The following GPLD1 variants were observed in gnomAD, a reference collection of about 807,000 sequenced individuals.
GPLD1 encodes phosphatidylinositol-glycan-specific phospholipase D.
In GPLD1, 84 loss-of-function variants were observed where a neutral mutation model predicts 112.6. The observed-to-expected ratio is 0.75, with a 90% CI of 0.63 to 0.89. GPLD1 has a LOEUF of 0.89. Among genes scored for constraint, GPLD1 ranks in the 40% least tolerant of loss-of-function variants. GPLD1 has a pLI of 0.00. For missense variants in GPLD1, 1,044 were observed against 1,051.5 expected (o/e 0.99, Z 0.10); for synonymous variants, 386 against 403.8 (o/e 0.96, Z 0.53).
At chr6:24,460,544 GT>G in intron 11 of GPLD1, 145 bp from the exon 12 acceptor site, 2 of 787,456 alleles carry the variant, frequency 2.5e-6, no homozygotes, top group Non-Finnish European at 4.1e-6. Context: ...AACACAGAAA[GT>G]TTTAGAAAAC....
Position 24,447,871 on chromosome 6 carries a change from C to A in GPLD1, c.1678+6G>T. Reference sequence around the variant, plus strand: ...ATGGTCTCACCCATTCCCCCTCAGGCACTACCTTTGTCGCTCAGGCTGGGG... The same window carrying A: ...ATGGTCTCACCCATTCCCCCTCAGGAACTACCTTTGTCGCTCAGGCTGGGG... On this transcript the variant is annotated splice_donor_region_variant and intron_variant, in intron 17 of 24. Transcript: ENST00000230036. 6.2e-7 allele frequency: 1 copy of A among 1,613,534 alleles called. No homozygotes were observed. The highest frequency in any genetic ancestry group is 8.5e-7 in the Non-Finnish European group (1 of 1,179,814).
chr6:24,479,178 C>T (rs1764118383), intron 3 of GPLD1, among the ~76,000 whole-genome samples: 1 of 152,070 alleles, frequency 6.6e-6, no homozygotes, highest in South Asian at 2.1e-4. Flanking sequence ...CCAAGATAAC[C>T]TCCCCTCCAA....
chr6:24,482,734 G>T (rs149942412), intron 2 of GPLD1, among the ~76,000 whole-genome samples: 46 of 151,680 alleles, frequency 3.0e-4, no homozygotes, highest in African/African-American at 1.1e-3. Flanking sequence ...TGAGGTCAGC[G>T]GATCTCTTCA....
chr6:24,450,326 C>A (rs1315259575), intron 14 of GPLD1, among the ~76,000 whole-genome samples: 1 of 151,910 alleles, frequency 6.6e-6, no homozygotes, highest in Admixed American at 6.6e-5. Context: ...CATAGTGAAA[C>A]CCCATCTGTA....
At chr6:24,472,748 GT>G (rs1380495760) in intron 6 of GPLD1, 112 bp from the exon 7 acceptor site, 3 of 649,884 alleles carry the variant, frequency 4.6e-6, no homozygotes, top group Non-Finnish European at 5.5e-6. Context: ...ATTATTACAT[GT>G]TTTTGTTCAT....
intron 13 of GPLD1, among the ~76,000 whole-genome samples, chr6:24,455,527 T>G (rs1356833942): frequency 2.0e-5 from 3 of 152,152 alleles, no homozygotes; most frequent in Non-Finnish European, 4.4e-5. Flanking sequence ...ATGTTGTTGT[T>G]GTTTTGTTTT....
chr6:24,456,673 C>T (rs202136100), intron 12 of GPLD1, 36 bp from the exon 13 acceptor site: 37 of 1,466,288 alleles, frequency 2.5e-5, no homozygotes, highest in African/African-American at 7.0e-5. Context: ...AGTAAAGACA[C>T]GTAGCATAAT....
chr6:24,434,837 C>CAAAAAAAAAAAAAAAAA (rs747085341), intron 22 of GPLD1, among the ~76,000 whole-genome samples: 2 of 65,460 alleles, frequency 3.1e-5, no homozygotes, highest in African/African-American at 5.9e-5. Context: ...GACTCCGTCT[C>CAAAAAAAAAAAAAAAAA]AAAAAAAAAA....
chr6:24,455,225 G>A (rs545761817), intron 13 of GPLD1, among the ~76,000 whole-genome samples: 55 of 152,354 alleles, frequency 3.6e-4, no homozygotes, highest in Admixed American at 1.5e-3. Flanking sequence ...ATGGCCCTAG[G>A]GATGCCCCTG....
Position 24,436,668 on chromosome 6 carries a change from C to T in GPLD1, c.2266G>A (p.Gly756Ser), listed in dbSNP as rs752623646. Reference protein sequence around the residue: ...VTSGLIGGEDGRVYVYNGKET... With the variant: ...VTSGLIGGEDSRVYVYNGKET... The stretch of plus-strand genomic sequence containing the variant: ...TTGCCATTATATACATATACTCGGC[C>T]GTCTTCTCCCCCAATCAGTCCAGAG... The change falls in exon 22 of 25, where the codon GGC becomes AGC. Residue 756 changes from glycine (G) to serine (S), a missense_variant. Transcript: ENST00000230036. 33 of 1,613,814 alleles carry T rather than the reference C, an allele frequency of 2.0e-5. No homozygotes were observed. The highest frequency in any genetic ancestry group is 4.5e-5 in the East Asian group (2 of 44,896).
chr6:24,466,297 G>A (rs1425595424), intron 10 of GPLD1, among the ~76,000 whole-genome samples: 7 of 152,172 alleles, frequency 4.6e-5, no homozygotes, highest in Non-Finnish European at 1.5e-5. Flanking sequence ...CAGTGAAGCC[G>A]AGATCGTGCC....
Position 24,433,190 on chromosome 6 carries a change from T to A in GPLD1, c.2433A>T (p.Ala811=). The A allele has an allele frequency of 1.2e-6, 2 of 1,609,568 alleles. No individual in the cohort carries two copies. The highest frequency in any genetic ancestry group is 4.5e-5 in the East Asian group (2 of 44,864). ...GAAGTTCAGTCCTTGGGCTCACCTT[T>A]GCCTTGGACCTCACGGTGATGAGGG... ...GSSLITVRSK[A]KNQVVIAAGR... The change falls in exon 24 of 25, where the codon GCA becomes GCT. Residue 811 remains alanine (A), a synonymous_variant. Transcript: ENST00000230036.
At chr6:24,475,073 G>A (rs749057865) in intron 5 of GPLD1, 48 bp downstream of exon 5, 2 of 930,774 alleles carry the variant, frequency 2.1e-6, no homozygotes, top group Non-Finnish European at 3.6e-6. Context: ...TCTTAGGTGA[G>A]ACAGTATCAC....
At position 24,437,224 on chromosome 6, in the gene GPLD1, C is replaced by T. The variant is rs1442202111; in HGVS notation, c.2086G>A (p.Ala696Thr). Residue 696 changes from alanine (A) to threonine (T), a missense_variant, in exon 21 of 25, where the codon GCA (alanine) becomes ACA (threonine). Ala to Thr is a moderately conservative substitution (Grantham distance 58). Coordinates refer to ENST00000230036, the MANE Select transcript of GPLD1 (RefSeq NM_001503.4). ...AGAGGCTGCGCGTCAGATGTGAGTGCGTACATGCGAGTGGCTCCGCCTTGG... is the reference window on the plus strand; with the variant it reads ...AGAGGCTGCGCGTCAGATGTGAGTGTGTACATGCGAGTGGCTCCGCCTTGG... ...LHQGGATRMY[A>T]LTSDAQPLLL... The T allele has an allele frequency of 3.7e-6, 6 of 1,614,004 alleles. No homozygotes were observed. Among genetic ancestry groups the T allele is most frequent in the East Asian group, 2.2e-5 (1 of 44,902 alleles).
intron 20 of GPLD1, among the ~76,000 whole-genome samples, chr6:24,439,552 GT>G (rs564696235): frequency 6.6e-6 from 1 of 152,186 alleles, no homozygotes; most frequent in African/African-American, 2.4e-5. Flanking sequence ...TCATCAAAGT[GT>G]TTTTTTAATT....
intron 2 of GPLD1, among the ~76,000 whole-genome samples, chr6:24,480,259 G>A (rs1286904468): frequency 6.6e-6 from 1 of 151,950 alleles, no homozygotes; most frequent in Non-Finnish European, 1.5e-5. Context: ...TGTCAATCCA[G>A]TAAAGCAGGA....
At chr6:24,435,844 A>G in intron 22 of GPLD1, 1 of 149,700 alleles carries the variant, frequency 6.7e-6, no homozygotes. Context: ...AAAAAAAAAA[A>G]AAAGTTAAAT....
intron 11 of GPLD1, among the ~76,000 whole-genome samples, chr6:24,462,426 T>C (rs1763467431): frequency 6.6e-6 from 1 of 152,206 alleles, no homozygotes; most frequent in Admixed American, 6.5e-5. Context: ...TGAGCCACTG[T>C]GCCCAGCCAC....
At chr6:24,435,515 T>G (rs1203632777) in intron 22 of GPLD1, among the ~76,000 whole-genome samples, 2 of 152,078 alleles carry the variant, frequency 1.3e-5, no homozygotes, top group Non-Finnish European at 2.9e-5. Context: ...TTCTAAAATT[T>G]CCATAATAAA....
Sources: gnomAD v4.1 joint callset for allele counts (sites outside exome capture counted in the v4.1 genomes callset) on GRCh38, gnomAD v4.1.1 for gene constraint, MANE v1.5 for transcripts, NCBI Gene and HGNC (gene_info 2026-07-23, HGNC 2026-07-21) for gene names.